Variants in TULP2 observed in about 807,000 individuals in gnomAD.
The protein encoded by TULP2 is TUB like protein 2.
TULP2 carries 64 observed loss-of-function variants against 60.3 expected under a neutral mutation model. The ratio of observed to expected loss-of-function variants is 1.06; its 90% CI spans 0.87 to 1.31. The LOEUF (loss-of-function observed/expected upper bound fraction) is 1.31. Ranked by LOEUF, TULP2 falls within the 50% of genes most tolerant of loss-of-function variation. The probability of loss-of-function intolerance (pLI) is 0.00; values close to 1 mark genes in which losing one functional copy is unlikely to be tolerated. For synonymous variants in TULP2, 267 were observed against 265.4 expected (o/e 1.01, Z -0.06); for missense variants, 652 against 667.0 (o/e 0.98, Z 0.25).
At chr19:48,886,160 G>T (rs1219648339) in intron 8 of TULP2, among the ~76,000 whole-genome samples, 1 of 152,166 alleles carries the variant, frequency 6.6e-6, no homozygotes, top group Non-Finnish European at 1.5e-5. Flanking sequence ...CAAAAAATTA[G>T]CCAGGCGTGG....
intron 6 of TULP2, among the ~76,000 whole-genome samples, chr19:48,889,929 C>T (rs139600328): frequency 6.8e-6 from 1 of 147,272 alleles, no homozygotes; most frequent in Non-Finnish European, 1.5e-5. Context: ...ACAAACACCG[C>T]GGAAGGGCGC....
Position 48,881,096 on chromosome 19 carries a change from A to ACTCGGC in TULP2, c.1472_1477dup (p.Gly491_Arg492dup). On this transcript the variant is annotated inframe_insertion, in exon 13 of 13. Transcript: ENST00000221399. Reference sequence around the variant, plus strand: ...GTCCATGGTGAATGTGTCTGGGCCCACTCGGCCGAACTGGAGCACCAGATG... The same window carrying ACTCGGC: ...GTCCATGGTGAATGTGTCTGGGCCCACTCGGCCTCGGCCGAACTGGAGCACCAGATG... 6.2e-7 allele frequency: 1 copy of ACTCGGC among 1,612,854 alleles called. No individual in the cohort carries two copies. Among genetic ancestry groups the ACTCGGC allele is most frequent in the East Asian group, 2.2e-5 (1 of 44,836 alleles).
chr19:48,895,320 G>A, intron 5 of TULP2, 46 bp downstream of exon 5: 1 of 1,601,338 alleles, frequency 6.2e-7, no homozygotes, highest in Admixed American at 1.7e-5. Flanking sequence ...GGGTTTTAGT[G>A]GGGACGGAGT....
At position 48,882,184 on chromosome 19, in the gene TULP2, C is replaced by G. The variant is rs1430528454; in HGVS notation, c.1295G>C (p.Ser432Thr). ...TTGTTTGTCCCCACGTTGGTAACGA[C>G]TCAGTAGCGACTCCTGTTCCTAGAA... The part of the protein sequence containing the change: ...QPLNEQESLL[S>T]RYQRGDKQGL... Residue 432 changes from serine (S) to threonine (T), a missense_variant, in exon 12 of 13, where the codon AGT (serine) becomes ACT (threonine). Coordinates refer to ENST00000221399, the MANE Select transcript of TULP2 (RefSeq NM_003323.3). 6.2e-7 allele frequency: 1 copy of G among 1,614,182 alleles called. No homozygotes were observed.
chr19:48,891,869 G>A (rs534742710), intron 6 of TULP2, among the ~76,000 whole-genome samples: 2 of 152,256 alleles, frequency 1.3e-5, no homozygotes, highest in South Asian at 4.1e-4. Flanking sequence ...GAAAACATGT[G>A]AACAAAAGAC....
chr19:48,894,450 G>T (rs551926354), intron 6 of TULP2, among the ~76,000 whole-genome samples: 1 of 152,064 alleles, frequency 6.6e-6, no homozygotes, highest in Non-Finnish European at 1.5e-5. Flanking sequence ...AGACCAGTCC[G>T]GCCAGCATGG....
Position 48,885,459 on chromosome 19 carries a change from C to T in TULP2, c.1050G>A (p.Val350=). Reference sequence around the variant, plus strand: ...AGAGCTCTACCCACCTGACTTTGCCCACGAAATTGTCCCCGTCCCGAGATA... The same window carrying T: ...AGAGCTCTACCCACCTGACTTTGCCTACGAAATTGTCCCCGTCCCGAGATA... ...THLSRDGDNF[V]GKVRSNVFST... is the part of the protein sequence containing the mutation. The change falls in exon 9 of 13, where the codon GTG becomes GTA. Residue 350 remains valine, a synonymous_variant. Coordinates refer to ENST00000221399, the MANE Select transcript of TULP2 (RefSeq NM_003323.3). 1.9e-6 allele frequency: 3 copies of T among 1,613,878 alleles called. No individual in the cohort carries two copies. Among genetic ancestry groups the T allele is most frequent in the Middle Eastern group, 3.3e-4 (2 of 6,062 alleles).
intron 8 of TULP2, among the ~76,000 whole-genome samples, chr19:48,886,249 T>C (rs2037178237): frequency 6.8e-6 from 1 of 147,692 alleles, no homozygotes. Context: ...GAGCTTGCAG[T>C]GAGCCGAGAT....
chr19:48,882,194 A>C lies in TULP2; in HGVS notation c.1285T>G (p.Ser429Ala). ...CCACGTTGGTAACGACTCAGTAGCG[A>C]CTCCTGTTCCTAGAAGGTAAAGAAG... is the stretch of plus-strand genomic sequence containing the variant. The part of the protein sequence containing the change: ...INVQPLNEQE[S>A]LLSRYQRGDK... The change falls in exon 12 of 13, where the codon TCG becomes GCG. Residue 429 changes from serine to alanine, a missense_variant. By Grantham distance (99) the Ser-to-Ala change is moderately conservative. Transcript: ENST00000221399. 6.2e-7 allele frequency: 1 copy of C among 1,613,638 alleles called. No individual in the cohort carries two copies. Among genetic ancestry groups the C allele is most frequent in the Admixed American group, 1.7e-5 (1 of 59,956 alleles).
At chr19:48,883,231 AAAG>A (rs1390610714) in intron 11 of TULP2, among the ~76,000 whole-genome samples, 1 of 151,602 alleles carries the variant, frequency 6.6e-6, no homozygotes, top group African/African-American at 2.4e-5. Flanking sequence ...AAAAAAAAAA[AAAG>A]AAAGAAAGAG....
At chr19:48,891,311 G>A (rs377332446) in intron 6 of TULP2, among the ~76,000 whole-genome samples, 20 of 116,168 alleles carry the variant, frequency 1.7e-4, no homozygotes, top group African/African-American at 4.2e-4. Context: ...GCAACAGGGC[G>A]AGACTCCGTC....
Position 48,896,565 on chromosome 19 carries a change from A to G in TULP2, c.85-9T>C, listed in dbSNP as rs561042043. On this transcript the variant is annotated splice_polypyrimidine_tract_variant and intron_variant, in intron 3 of 12. Transcript: ENST00000221399. ...TTTTCAAACAGCCGCCGCTGGGGAGATGGGAGAGGTGGGTGTCCGGGACAG... is the reference window on the plus strand; with the variant it reads ...TTTTCAAACAGCCGCCGCTGGGGAGGTGGGAGAGGTGGGTGTCCGGGACAG... 4 of 1,587,610 alleles carry G rather than the reference A, an allele frequency of 2.5e-6. No individual in the cohort carries two copies. The South Asian group carries it at 3.4e-5, about 14-fold the overall frequency.
chr19:48,881,608 C>T (rs1368188786), intron 12 of TULP2, among the ~76,000 whole-genome samples: 3 of 151,982 alleles, frequency 2.0e-5, no homozygotes, highest in Non-Finnish European at 4.4e-5. Flanking sequence ...TGGTCTCAAT[C>T]TCCTGACCTC....
rs58640342 is a variant in TULP2, at chr19:48,887,311, CTTTTTTTTTTTTT to C, written c.948+626_948+638del. Among the ~76,000 whole-genome samples, 50 of 39,376 alleles carry C rather than the reference CTTTTTTTTTTTTT, an allele frequency of 1.3e-3. 1 individual carries two copies. The highest frequency in any genetic ancestry group is 1.8e-3 in the Non-Finnish European group (35 of 19,332). The allele number at this position is 39,376 out of a possible 152,430, so 25.8% of individuals were successfully genotyped here. Reference sequence around the variant, plus strand: ...CAAGTGTGAGCCACCGCGCCCAGCCCTTTTTTTTTTTTTTTTTTTTTTTTTTTTTTTTATGCAG... The same window carrying C: ...CAAGTGTGAGCCACCGCGCCCAGCCCTTTTTTTTTTTTTTTTTTTATGCAG... On this transcript the variant is annotated intron_variant, in intron 8 of 12. Transcript: ENST00000221399.
chr19:48,882,733 A>G (rs527581945), intron 11 of TULP2, among the ~76,000 whole-genome samples: 14 of 152,336 alleles, frequency 9.2e-5, no homozygotes, highest in African/African-American at 2.9e-4. Flanking sequence ...ATGTTGAGAA[A>G]GGTAAAAACA....
chr19:48,890,406 G>A (rs971701424), intron 6 of TULP2, among the ~76,000 whole-genome samples: 16 of 150,860 alleles, frequency 1.1e-4, no homozygotes, highest in Admixed American at 2.0e-4. Context: ...TCCCCCTCTC[G>A]GAGAAACACC....
Position 48,889,449 on chromosome 19 carries a change from AC to A in TULP2, c.636+60del, listed in dbSNP as rs1256391086. 2.0e-6 allele frequency: 3 copies of A among 1,522,698 alleles called. No homozygotes were observed. In the African/African-American group the frequency reaches 4.1e-5, roughly 21 times the overall value. 94.3% of individuals were successfully genotyped at this position (1,522,698 alleles called of 1,614,324 possible). Reference sequence around the variant, plus strand: ...GTGGCAGAATTTTAGCCCCACCCTCACCAGAGGTCCGAGGCTAGCCCTCTTC... The same window carrying A: ...GTGGCAGAATTTTAGCCCCACCCTCACAGAGGTCCGAGGCTAGCCCTCTTC... On this transcript the variant is annotated intron_variant, in intron 7 of 12. Coordinates refer to ENST00000221399, the MANE Select transcript of TULP2 (RefSeq NM_003323.3).
Position 48,897,782 on chromosome 19 carries a change from A to C in TULP2, c.32+55T>G. 1 of 1,589,934 alleles carries C rather than the reference A, an allele frequency of 6.3e-7. No individual in the cohort carries two copies. Among genetic ancestry groups the C allele is most frequent in the Non-Finnish European group, 8.6e-7 (1 of 1,159,022 alleles). ...TGGTTATGAAGCCAGAGCCGAGTGC[A>C]CGGGGTCCCCAGCCCTTTCCACCTC... On this transcript the variant is annotated intron_variant, in intron 2 of 12. Transcript: ENST00000221399. The surrounding 1 kb of genome is among the most constrained non-coding windows in gnomAD (Gnocchi z 4.0).
In TULP2 at chr19:48,881,108, T is replaced by C; in HGVS notation, c.1466A>G (p.Gln489Arg). Residue 489 changes from glutamine to arginine, a missense_variant, in exon 13 of 13, where the codon CAG (glutamine) becomes CGG (arginine). Gln to Arg is a conservative substitution (Grantham distance 43). Transcript: ENST00000221399. ...DPKHQEHLVL[Q>R]FGRVGPDTFT... Reference sequence around the variant, plus strand: ...TGTGTCTGGGCCCACTCGGCCGAACTGGAGCACCAGATGTTCTTCTGAGAA... The same window carrying C: ...TGTGTCTGGGCCCACTCGGCCGAACCGGAGCACCAGATGTTCTTCTGAGAA... 4 of 1,612,588 alleles carry C rather than the reference T, an allele frequency of 2.5e-6. No homozygotes were observed. Among genetic ancestry groups the C allele is most frequent in the Non-Finnish European group, 3.4e-6 (4 of 1,179,176 alleles).
Sources: gnomAD v4.1 joint callset for allele counts (sites outside exome capture counted in the v4.1 genomes callset) on GRCh38, gnomAD v4.1.1 for gene constraint, Gnocchi (gnomAD v3.1) non-coding constraint, MANE v1.5 for transcripts, NCBI Gene and HGNC (gene_info 2026-07-23, HGNC 2026-07-21) for gene names.